Variants in SLC18A1 observed in about 807,000 individuals in gnomAD.
The protein encoded by SLC18A1 is chromaffin granule amine transporter.
Under a neutral mutation model 53.7 loss-of-function variants are expected in SLC18A1, and 69 were observed. The ratio of observed to expected loss-of-function variants is 1.28; its 90% CI spans 1.06 to 1.57. The LOEUF (loss-of-function observed/expected upper bound fraction) is 1.57, where lower values mean the gene tolerates loss of function less well. Ranked by LOEUF, SLC18A1 falls within the 40% of genes most tolerant of loss-of-function variation. The pLI is 0.00. For missense variants in SLC18A1, 932 were observed against 668.1 expected, an observed-to-expected ratio of 1.40 and a Z score of -4.35; for synonymous variants, 320 against 248.1, an observed-to-expected ratio of 1.29 and a Z score of -2.72.
chr8:20,164,781 T>C (rs1437171419), intron 10 of SLC18A1, 88 bp downstream of exon 10: 5 of 972,324 alleles, frequency 5.1e-6, no homozygotes, highest in East Asian at 2.5e-5. Context: ...AAAGGAAGCA[T>C]GTTGTCCCTG....
chr8:20,179,437 T>C lies in SLC18A1; in HGVS notation c.172A>G (p.Asn58Asp). Residue 58 changes from asparagine (N) to aspartate (D), a missense_variant, in exon 3 of 16, where the codon AAC becomes GAC. Asn to Asp is a conservative substitution (Grantham distance 23). Coordinates refer to ENST00000276373, the MANE Select transcript of SLC18A1 (RefSeq NM_003053.4). ...GCATGGCCGAGGTGCAGAGAAGAGT[T>C]GACTTCTTTGAACTCCATGTCATAT... ...FLYDMEFKEV[N>D]SSLHLGHAGS... The C allele has an allele frequency of 1.8e-5, 29 of 1,613,824 alleles. No homozygotes were observed. Among genetic ancestry groups the C allele is most frequent in the Non-Finnish European group, 2.5e-5 (29 of 1,180,018 alleles).
At position 20,180,925 on chromosome 8, in the gene SLC18A1, T is replaced by C; in HGVS notation, c.40A>G (p.Lys14Glu). The C allele has an allele frequency of 1.2e-6, 2 of 1,605,738 alleles. No individual in the cohort carries two copies. The highest frequency in any genetic ancestry group is 1.7e-6 in the Non-Finnish European group (2 of 1,176,056). ...TILDAPQRLL[K>E]EGRASRQLVL... ...AGCTGCCGGGACGCTCTCCCCTCCT[T>C]CAGCAACCGCTGGGGAGCATCCAGA... Residue 14 changes from lysine to glutamate, a missense_variant, in exon 2 of 16, where the codon AAG becomes GAG. By Grantham distance (56) the Lys-to-Glu change is moderately conservative (BLOSUM62 1). Coordinates refer to ENST00000276373, the MANE Select transcript of SLC18A1 (RefSeq NM_003053.4).
At chr8:20,173,250 G>T (rs1438088549) in intron 5 of SLC18A1, 122 bp from the exon 6 acceptor site, 1 of 731,286 alleles carries the variant, frequency 1.4e-6, no homozygotes, top group Non-Finnish European at 2.2e-6. Context: ...AGTTTGAGGG[G>T]TTTTACAAAA....
Position 20,179,200 on chromosome 8 carries a change from T to G in SLC18A1, c.409A>C (p.Thr137Pro). The change falls in exon 3 of 16, where the codon ACC becomes CCC. Residue 137 changes from threonine (T) to proline (P), a missense_variant. Transcript: ENST00000276373. ...GAAGCAAACAGAACCCCGACCCGGG[T>G]AATCTCTTCCTCCAAGAAACCTGTG... ...QGTGFLEEEI[T>P]RVGVLFASKA... is the part of the protein sequence containing the mutation. 1 of 1,614,142 alleles carries G rather than the reference T, an allele frequency of 6.2e-7. No homozygotes were observed. Among genetic ancestry groups the G allele is most frequent in the Non-Finnish European group, 8.5e-7 (1 of 1,180,024 alleles).
chr8:20,159,004 A>G (rs923437520), intron 10 of SLC18A1, among the ~76,000 whole-genome samples: 1 of 152,150 alleles, frequency 6.6e-6, no homozygotes, highest in Non-Finnish European at 1.5e-5. Flanking sequence ...TTTAGGCTAT[A>G]CATTTCAATC....
At chr8:20,147,766 T>C (rs751528940) in intron 13 of SLC18A1, 44 bp from the exon 14 acceptor site, 1 of 1,598,780 alleles carries the variant, frequency 6.3e-7, no homozygotes, top group South Asian at 1.1e-5. Context: ...CACCCACAGT[T>C]AGTACCACCC....
chr8:20,160,059 A>G (rs561876957), intron 10 of SLC18A1, among the ~76,000 whole-genome samples: 28 of 152,236 alleles, frequency 1.8e-4, no homozygotes, highest in Middle Eastern at 3.4e-3. Flanking sequence ...AATTACAATT[A>G]AATTAAAAGT....
chr8:20,177,302 T>C (rs540449547), intron 4 of SLC18A1, among the ~76,000 whole-genome samples: 1 of 152,266 alleles, frequency 6.6e-6, no homozygotes, highest in Non-Finnish European at 1.5e-5. Flanking sequence ...TCTTGTTAAA[T>C]ATTGGGTTGC....
In SLC18A1 at chr8:20,180,850, T is replaced by C; in HGVS notation, c.115A>G (p.Thr39Ala). The change falls in exon 2 of 16, where the codon ACT (threonine) becomes GCT (alanine). Residue 39 changes from threonine to alanine, a missense_variant. Physicochemically the swap from Thr to Ala is moderately conservative, Grantham distance 58. Coordinates refer to ENST00000276373, the MANE Select transcript of SLC18A1 (RefSeq NM_003053.4). ...AGACCCACAAACGTACCCACCACAG[T>C]AAACAGCATGTTGTCCAGGAGCAAA... is the stretch of plus-strand genomic sequence containing the variant. ...VALLLDNMLF[T>A]VVVPIVPTFL... The C allele has an allele frequency of 6.2e-7, 1 of 1,613,982 alleles. No homozygotes were observed. Among genetic ancestry groups the C allele is most frequent in the Non-Finnish European group, 8.5e-7 (1 of 1,179,882 alleles).
chr8:20,157,935 G>A (rs192558576), intron 10 of SLC18A1, among the ~76,000 whole-genome samples: 47 of 152,288 alleles, frequency 3.1e-4, no homozygotes, highest in African/African-American at 9.4e-4. Flanking sequence ...CTACAAGGAC[G>A]CTTTAAAAAA....
intron 4 of SLC18A1, among the ~76,000 whole-genome samples, chr8:20,177,495 C>G (rs1563770268): frequency 6.6e-6 from 1 of 151,812 alleles, no homozygotes. Context: ...GTCATGGAGT[C>G]GGGGGAGAGG....
intron 4 of SLC18A1, among the ~76,000 whole-genome samples, chr8:20,176,996 C>G (rs1437477016): frequency 6.6e-6 from 1 of 152,140 alleles, no homozygotes; most frequent in Non-Finnish European, 1.5e-5. Context: ...GGAATCATGT[C>G]TTTTCATTCT....
At chr8:20,162,640 G>GT (rs2071858024) in intron 10 of SLC18A1, among the ~76,000 whole-genome samples, 1 of 152,124 alleles carries the variant, frequency 6.6e-6, no homozygotes, top group African/African-American at 2.4e-5. Flanking sequence ...CAAGTTTTTT[G>GT]TAACTGTATA....
chr8:20,147,613 G>C lies in SLC18A1; in HGVS notation c.1320C>G (p.Gly440=), dbSNP rs368795521. 1 of 1,613,992 alleles carries C rather than the reference G, an allele frequency of 6.2e-7. No homozygotes were observed. Among genetic ancestry groups the C allele is most frequent in the Non-Finnish European group, 8.5e-7 (1 of 1,180,004 alleles). Residue 440 remains glycine (G), a synonymous_variant, in exon 14 of 16, where the codon GGC becomes GGG. Coordinates refer to ENST00000276373, the MANE Select transcript of SLC18A1 (RefSeq NM_003053.4). Reference sequence around the variant, plus strand: ...GTCCTGCCAACATACCTATAGCAAAGCCCATGCAAAAAGCCACATCAGCGA... The same window carrying C: ...GTCCTGCCAACATACCTATAGCAAACCCCATGCAAAAAGCCACATCAGCGA... ...YAIADVAFCM[G]FAIGPSTGGA...
At chr8:20,176,508 A>G (rs758660994) in intron 4 of SLC18A1, among the ~76,000 whole-genome samples, 1 of 152,198 alleles carries the variant, frequency 6.6e-6, no homozygotes, top group African/African-American at 2.4e-5. Flanking sequence ...AGAGTTGGTC[A>G]TTCTATTTAG....
intron 10 of SLC18A1, among the ~76,000 whole-genome samples, chr8:20,157,264 T>C (rs2071706508): frequency 1.3e-5 from 2 of 152,174 alleles, no homozygotes; most frequent in African/African-American, 2.4e-5. Context: ...ATAATGTTAC[T>C]GCTAGATCAG....
intron 11 of SLC18A1, among the ~76,000 whole-genome samples, chr8:20,150,234 T>C (rs2071515052): frequency 6.6e-6 from 1 of 152,236 alleles, no homozygotes; most frequent in East Asian, 1.9e-4. Flanking sequence ...AGGGACAGAA[T>C]GGAGACTCAT....
At chr8:20,166,332 C>T (rs6989871) in intron 8 of SLC18A1, among the ~76,000 whole-genome samples, 64,934 of 88,100 alleles carry the variant, frequency 0.74, 21,650 homozygotes, top group South Asian at 0.78. Context: ...TATATATATA[C>T]ACCACCAGGT....
At position 20,150,584 on chromosome 8, in the gene SLC18A1, C is replaced by T. The variant is rs1029865741; in HGVS notation, c.1094+82G>A. On this transcript the variant is annotated intron_variant, in intron 11 of 15. Transcript: ENST00000276373. ...TCCTAAACTTTCAACCGTATGGAAG[C>T]TGTTCATCATTCCAAGATCAGGAAC... 1.8e-4 allele frequency: 210 copies of T among 1,188,572 alleles called. 1 individual carries two copies. The highest frequency in any genetic ancestry group is 1.8e-4 in the Non-Finnish European group (146 of 793,572). The allele number at this position is 1,188,572 out of a possible 1,614,324, so 73.6% of individuals were successfully genotyped here. A position where few individuals can be genotyped will look rare whatever the true frequency, so the allele number is the denominator to read the frequency against.
Sources: allele counts gnomAD v4.1 joint callset (sites outside exome capture counted in the v4.1 genomes callset), GRCh38; gene constraint gnomAD v4.1.1; transcripts MANE v1.5; gene names NCBI Gene and HGNC (gene_info 2026-07-23, HGNC 2026-07-21).